The following CCDC122 variants were observed in gnomAD, a reference collection of about 807,000 sequenced individuals.
CCDC122 encodes coiled-coil domain-containing protein 122.
Under a neutral mutation model 37.0 loss-of-function variants are expected in CCDC122, and 38 were observed. The observed-to-expected ratio is 1.03, with a 90% CI of 0.79 to 1.35. CCDC122 has a LOEUF of 1.35. Ranked by LOEUF, CCDC122 falls within the 40% of genes most tolerant of loss-of-function variation. The pLI is 0.00. For synonymous variants in CCDC122, 83 were observed against 95.6 expected (o/e 0.87, Z 0.77); for missense variants, 305 against 310.0 (o/e 0.98, Z 0.12).
At chr13:43,853,499 T>C (rs1402912480) in intron 6 of CCDC122, among the ~76,000 whole-genome samples, 1 of 152,162 alleles carries the variant, frequency 6.6e-6, no homozygotes, top group Non-Finnish European at 1.5e-5. Context: ...AGTAAGTTCT[T>C]AGAGACCTTC....
At chr13:43,860,265 A>C (rs117389460) in intron 4 of CCDC122, among the ~76,000 whole-genome samples, 195 bp from the exon 5 acceptor site, 2 of 152,078 alleles carry the variant, frequency 1.3e-5, no homozygotes, top group African/African-American at 4.8e-5. Flanking sequence ...CCTCAGTTAT[A>C]TATTTTTTAA....
intron 5 of CCDC122, among the ~76,000 whole-genome samples, chr13:43,859,140 G>A (rs1344704796): frequency 6.6e-6 from 1 of 152,090 alleles, no homozygotes; most frequent in East Asian, 1.9e-4. Context: ...TGGTAGTTAT[G>A]GTGGCAACTG....
intron 3 of CCDC122, among the ~76,000 whole-genome samples, chr13:43,830,971 A>G (rs4942247): frequency 0.38 from 57,148 of 152,060 alleles, 11,011 homozygotes; most frequent in East Asian, 0.52. Flanking sequence ...AGTAAATTAC[A>G]GTGACAGATT....
intron 3 of CCDC122, among the ~76,000 whole-genome samples, chr13:43,826,539 A>G (rs1953042872): frequency 4.6e-5 from 7 of 152,148 alleles, no homozygotes; most frequent in Admixed American, 4.6e-4. Flanking sequence ...ATCTTAATGA[A>G]AGCTCAAAAC....
At chr13:43,840,271 C>T (rs567230257) in intron 6 of CCDC122, among the ~76,000 whole-genome samples, 1 of 152,276 alleles carries the variant, frequency 6.6e-6, no homozygotes, top group East Asian at 1.9e-4. Context: ...AAAACACCTA[C>T]TTTTAAATGG....
chr13:43,878,362 T>G (rs762370155), intron 1 of CCDC122, among the ~76,000 whole-genome samples: 5 of 152,162 alleles, frequency 3.3e-5, no homozygotes, highest in Admixed American at 6.5e-5. Flanking sequence ...CGGGGCTCTT[T>G]AACAAATGAC....
rs74845940 is a variant in CCDC122, at chr13:43,861,358, G to A, written c.157-1288C>T. Among the ~76,000 whole-genome samples, 1,511 of 152,292 alleles carry A rather than the reference G, an allele frequency of 9.9e-3. 7 individuals carry two copies. The highest frequency in any genetic ancestry group is 0.024 in the Middle Eastern group (7 of 294). ...AAGTGTGTCCATCCATTATGGGAAA[G>A]CATTGTAATGTATGGCAAAGGGTAC... On this transcript the variant is annotated intron_variant, in intron 4 of 6. Transcript: ENST00000444614.
chr13:43,837,039 C>T lies in CCDC122; in HGVS notation c.*241G>A, dbSNP rs1047774817. ...TACACACTCCAAATAGTCACAGAGA[C>T]TCTTGCATTATTTTCCCGTAGACAT... On this transcript the variant is annotated 3_prime_UTR_variant, in exon 7 of 7. Transcript: ENST00000444614. 3 of 431,530 alleles carry T rather than the reference C, an allele frequency of 7.0e-6. No individual in the cohort carries two copies. The highest frequency in any genetic ancestry group is 6.0e-5 in the African/African-American group (3 of 49,812). 26.7% of individuals were successfully genotyped at this position (431,530 alleles called of 1,614,324 possible). A position where few individuals can be genotyped will look rare whatever the true frequency, so the allele number is the denominator to read the frequency against.
downstream of CCDC122, among the ~76,000 whole-genome samples, chr13:43,823,336 A>G (rs1594807987): frequency 2.0e-5 from 3 of 151,762 alleles, no homozygotes; most frequent in South Asian, 6.2e-4. Flanking sequence ...CGTCCTCTTT[A>G]CTCTTTGCTC....
At chr13:43,861,057 G>A (rs1427482593) in intron 4 of CCDC122, among the ~76,000 whole-genome samples, 1 of 152,166 alleles carries the variant, frequency 6.6e-6, no homozygotes, top group Non-Finnish European at 1.5e-5. Flanking sequence ...GGTTGGCTAG[G>A]TGGTTCTGCT....
intron 2 of CCDC122, among the ~76,000 whole-genome samples, chr13:43,872,383 A>T (rs1003935608): frequency 5.9e-5 from 9 of 152,224 alleles, no homozygotes; most frequent in African/African-American, 2.2e-4. Context: ...ACATGCAACT[A>T]TGCTGTTGAC....
chr13:43,869,324 T>C lies in CCDC122; in HGVS notation c.46+7A>G, dbSNP rs1954373409. 1 of 1,593,828 alleles carries C rather than the reference T, an allele frequency of 6.3e-7. No individual in the cohort carries two copies. The highest frequency in any genetic ancestry group is 1.7e-5 in the Admixed American group (1 of 59,554). On this transcript the variant is annotated splice_region_variant and intron_variant, in intron 3 of 6. Coordinates refer to ENST00000444614, the MANE Select transcript of CCDC122 (RefSeq NM_144974.5). ...TAATTATTTATTTCTTAAGACTGTT[T>C]CATTACCTTCTTTAGGAAATCCTTG...
At chr13:43,870,105 T>TA (rs1431480319) in intron 2 of CCDC122, among the ~76,000 whole-genome samples, 1 of 152,152 alleles carries the variant, frequency 6.6e-6, no homozygotes, top group Non-Finnish European at 1.5e-5. Flanking sequence ...TGAAACCTGA[T>TA]ATATATGCAA....
At chr13:43,859,272 G>C (rs1451046185) in intron 5 of CCDC122, among the ~76,000 whole-genome samples, 1 of 152,130 alleles carries the variant, frequency 6.6e-6, no homozygotes, top group Non-Finnish European at 1.5e-5. Flanking sequence ...TTAAGGTTCA[G>C]TTATTAATTT....
chr13:43,877,627 G>C (rs1954664667), intron 1 of CCDC122: 1 of 152,138 alleles, frequency 6.6e-6, no homozygotes, highest in South Asian at 2.1e-4. Context: ...GAAGAGCCTT[G>C]AACAAAAAGT....
At chr13:43,825,050 T>G (rs1181074672) in intron 3 of CCDC122, among the ~76,000 whole-genome samples, 2 of 152,242 alleles carry the variant, frequency 1.3e-5, no homozygotes, top group Non-Finnish European at 2.9e-5. Context: ...TTACTGGGTA[T>G]ATACTCAAAG....
downstream of CCDC122, among the ~76,000 whole-genome samples, chr13:43,834,153 C>T (rs934792937): frequency 6.6e-5 from 10 of 152,146 alleles, no homozygotes; most frequent in Middle Eastern, 3.4e-3. Context: ...GAAATAATGC[C>T]GCATATCTAC....
At chr13:43,878,185 T>A (rs900425215) in intron 1 of CCDC122, 4 of 152,188 alleles carry the variant, frequency 2.6e-5, no homozygotes, top group Non-Finnish European at 5.9e-5. Context: ...AAAACCTTTG[T>A]AACTAAAAGA....
chr13:43,839,496 G>T (rs573948155), intron 6 of CCDC122, among the ~76,000 whole-genome samples: 5 of 152,250 alleles, frequency 3.3e-5, no homozygotes, highest in African/African-American at 1.2e-4. Context: ...TTCATGAGTT[G>T]ATGAACATTT....
Sources: gnomAD v4.1 joint callset for allele counts (sites outside exome capture counted in the v4.1 genomes callset) on GRCh38, gnomAD v4.1.1 for gene constraint, MANE v1.5 for transcripts, NCBI Gene and HGNC (gene_info 2026-07-23, HGNC 2026-07-21) for gene names.